CRCP: variants seen among roughly 807,000 people sequenced by gnomAD.
CRCP encodes CGRP receptor component.
CRCP carries 18 observed loss-of-function variants against 18.5 expected under a neutral mutation model. The ratio of observed to expected loss-of-function variants is 0.97; its 90% confidence interval spans 0.67 to 1.44. The LOEUF is 1.44. CRCP is among the 40% of genes most tolerant of loss of function. The probability of loss-of-function intolerance (pLI) is 0.00; values close to 1 mark genes in which losing one functional copy is unlikely to be tolerated. For synonymous variants in CRCP, 53 were observed against 62.9 expected (o/e 0.84, Z 0.75); for missense variants, 130 against 176.4 (o/e 0.74, Z 1.49).
At chr7:66,127,856 G>A in intron 2 of CRCP, 116 bp downstream of exon 2, 2 of 1,134,558 alleles carry the variant, frequency 1.8e-6, no homozygotes, top group Non-Finnish European at 1.3e-6. Context: ...GTTCACGCCT[G>A]TAATCCCAGC....
chr7:66,121,135 C>T (rs996972028), intron 1 of CRCP, among the ~76,000 whole-genome samples: 1 of 151,308 alleles, frequency 6.6e-6, no homozygotes, highest in South Asian at 2.1e-4. Flanking sequence ...AGTGCAATGG[C>T]GCAATCTCGG....
At chr7:66,139,062 G>C (rs574273547) in intron 4 of CRCP, among the ~76,000 whole-genome samples, 2 of 152,164 alleles carry the variant, frequency 1.3e-5, no homozygotes, top group East Asian at 3.9e-4. Context: ...GGTCTTTGAG[G>C]CTCTGTTCCT....
At chr7:66,115,170 C>T (rs1212565641) in intron 1 of CRCP, among the ~76,000 whole-genome samples, 200 bp downstream of exon 1, 2 of 152,160 alleles carry the variant, frequency 1.3e-5, no homozygotes, top group East Asian at 1.9e-4. Flanking sequence ...CTTCGCTTCC[C>T]CTCCACGCCG....
intron 1 of CRCP, among the ~76,000 whole-genome samples, chr7:66,122,173 A>G (rs1418600991): frequency 6.6e-6 from 1 of 152,146 alleles, no homozygotes; most frequent in Non-Finnish European, 1.5e-5. Flanking sequence ...CAGGAGATCA[A>G]GACCATCCTG....
At chr7:66,134,870 T>G (rs1787925992) in intron 4 of CRCP, among the ~76,000 whole-genome samples, 1 of 152,004 alleles carries the variant, frequency 6.6e-6, no homozygotes, top group African/African-American at 2.4e-5. Context: ...TTGGAAAAGG[T>G]ATTTGACCTC....
chr7:66,120,059 G>A (rs537024967), intron 1 of CRCP, among the ~76,000 whole-genome samples: 27 of 151,866 alleles, frequency 1.8e-4, no homozygotes, highest in African/African-American at 5.5e-4. Context: ...GCGGGCGCCC[G>A]TAGTCCCAGC....
chr7:66,133,928 G>A lies in CRCP; in HGVS notation c.145-352G>A, dbSNP rs184614360. On this transcript the variant is annotated intron_variant, in intron 3 of 5. Coordinates refer to ENST00000395326, the MANE Select transcript of CRCP (RefSeq NM_014478.5). ...GGCTGGAGTGCCATGGTGTGATCTC[G>A]GCTCACTGCAACCTCTGCCTCCCAG... 1.8e-3 allele frequency among the ~76,000 whole-genome samples: 265 copies of A among 143,998 alleles called. 1 individual carries two copies. Among genetic ancestry groups the A allele is most frequent in the African/African-American group, 6.1e-3 (237 of 38,880 alleles). 94.5% of individuals were successfully genotyped at this position (143,998 alleles called of 152,430 possible). A position where few individuals can be genotyped will look rare whatever the true frequency, so the allele number is the denominator to read the frequency against.
Position 66,121,382 on chromosome 7 carries a change from C to T in CRCP, c.9-6322C>T, listed in dbSNP as rs367972811. On this transcript the variant is annotated intron_variant, in intron 1 of 5. Coordinates refer to ENST00000395326, the MANE Select transcript of CRCP (RefSeq NM_014478.5). ...TTATTTAAGGGGAGGAATATTTATG[C>T]TTTATTTGATTGACAATTTAAAAAT... Among the ~76,000 whole-genome samples, 176 of 151,862 alleles carry T rather than the reference C, an allele frequency of 1.2e-3. 1 individual carries two copies. The highest frequency in any genetic ancestry group is 4.0e-3 in the African/African-American group (165 of 41,436).
At chr7:66,126,282 A>G (rs773865802) in intron 1 of CRCP, among the ~76,000 whole-genome samples, 2 of 149,112 alleles carry the variant, frequency 1.3e-5, no homozygotes, top group African/African-American at 2.4e-5. Context: ...TATCTGGCCC[A>G]TGCTTTTGAA....
intron 4 of CRCP, among the ~76,000 whole-genome samples, chr7:66,141,948 G>A (rs79466355): frequency 0.013 from 1,910 of 152,222 alleles, 38 homozygotes; most frequent in African/African-American, 0.042. Context: ...AGCTCCTTGG[G>A]TGTAGGACAG....
intron 1 of CRCP, among the ~76,000 whole-genome samples, chr7:66,115,821 T>G (rs1787243672): frequency 6.6e-6 from 1 of 152,228 alleles, no homozygotes; most frequent in South Asian, 2.1e-4. Context: ...TAATTGTTTT[T>G]TCTTAAGAAA....
At chr7:66,136,804 G>A (rs1187268638) in intron 4 of CRCP, among the ~76,000 whole-genome samples, 1 of 151,816 alleles carries the variant, frequency 6.6e-6, no homozygotes, top group East Asian at 1.9e-4. Flanking sequence ...GATCGGACGG[G>A]CACGGTGGCT....
chr7:66,135,544 A>T (rs1787946651), intron 4 of CRCP, among the ~76,000 whole-genome samples: 1 of 152,158 alleles, frequency 6.6e-6, no homozygotes, highest in Non-Finnish European at 1.5e-5. Flanking sequence ...ATTATACTTT[A>T]AGTTCTAGGG....
At chr7:66,128,763 A>C (rs1325608038) in intron 2 of CRCP, 1 of 152,192 alleles carries the variant, frequency 6.6e-6, no homozygotes, top group Admixed American at 6.5e-5. Context: ...GTAAGAGAGG[A>C]GATATTCCAG....
intron 4 of CRCP, among the ~76,000 whole-genome samples, chr7:66,139,285 T>A (rs1441862630): frequency 6.6e-6 from 1 of 152,236 alleles, no homozygotes; most frequent in Non-Finnish European, 1.5e-5. Context: ...AGCCTACCAG[T>A]GAATTTTTCA....
intron 1 of CRCP, among the ~76,000 whole-genome samples, chr7:66,125,672 G>T (rs1787598888): frequency 6.7e-6 from 1 of 149,162 alleles, no homozygotes; most frequent in Non-Finnish European, 1.5e-5. Flanking sequence ...CTATTGACTT[G>T]TTTAGTGGGG....
intron 5 of CRCP, among the ~76,000 whole-genome samples, chr7:66,149,451 T>C (rs1788391447): frequency 6.6e-6 from 1 of 152,150 alleles, no homozygotes; most frequent in Non-Finnish European, 1.5e-5. Context: ...CCCAGGAGTT[T>C]GAGACTGCAG....
Position 66,130,907 on chromosome 7 carries a change from A to G in CRCP, c.144+65A>G, listed in dbSNP as rs144999682. 464 of 874,510 alleles carry G rather than the reference A, an allele frequency of 5.3e-4. 2 individuals carry two copies. In the African/African-American group the frequency reaches 5.9e-3, roughly 11 times the overall value. The allele number at this position is 874,510 out of a possible 1,614,324, so 54.2% of individuals were successfully genotyped here. A position where few individuals can be genotyped will look rare whatever the true frequency, so the allele number is the denominator to read the frequency against. Reference sequence around the variant, plus strand: ...TGAGGGAGGGGGGTTTATTCTCCCAATGACTGGCAGCTGAAATTAAGATTG... The same window carrying G: ...TGAGGGAGGGGGGTTTATTCTCCCAGTGACTGGCAGCTGAAATTAAGATTG... On this transcript the variant is annotated intron_variant, in intron 3 of 5. Coordinates refer to ENST00000395326, the MANE Select transcript of CRCP (RefSeq NM_014478.5).
chr7:66,151,247 T>G (rs140608692), intron 5 of CRCP, among the ~76,000 whole-genome samples: 1 of 152,274 alleles, frequency 6.6e-6, no homozygotes, highest in African/African-American at 2.4e-5. Flanking sequence ...GTGGGCATCA[T>G]CAACCGTGTT....
Sources: gnomAD v4.1 joint callset for allele counts (sites outside exome capture counted in the v4.1 genomes callset) on GRCh38, gnomAD v4.1.1 for gene constraint, MANE v1.5 for transcripts, NCBI Gene and HGNC (gene_info 2026-07-23, HGNC 2026-07-21) for gene names.